GSE1: variants seen among roughly 807,000 people sequenced by gnomAD.
The protein encoded by GSE1 is Gse1 coiled-coil protein.
A neutral mutation model predicts 112.6 loss-of-function variants in GSE1; 32 were observed. That is an observed-to-expected ratio of 0.28 (90% CI 0.21 to 0.38). The LOEUF is 0.38. GSE1 is among the 10% of genes least tolerant of loss of function. The pLI, the probability that GSE1 is intolerant of heterozygous loss-of-function variation, is 1.00. For missense variants in GSE1, 2,348 were observed against 1,699.2 expected (o/e 1.38, Z -6.71); for synonymous variants, 1,115 against 735.6 (o/e 1.52, Z -8.35).
At chr16:85,656,258 C>G in intron 6 of GSE1, 85 bp from the exon 7 acceptor site, 1 of 1,532,732 alleles carries the variant, frequency 6.5e-7, no homozygotes, top group Non-Finnish European at 8.8e-7. Context: ...TGGCTCGTTC[C>G]TGGTTATGCT....
intron 2 of GSE1, among the ~76,000 whole-genome samples, chr16:85,470,055 C>T (rs941608556): frequency 6.6e-6 from 1 of 152,276 alleles, no homozygotes. Flanking sequence ...AGAGGCCCCT[C>T]CCTGGGATGT....
intron 2 of GSE1, among the ~76,000 whole-genome samples, chr16:85,505,934 C>T (rs946768559): frequency 5.9e-5 from 9 of 151,788 alleles, no homozygotes; most frequent in Non-Finnish European, 1.2e-4. Flanking sequence ...GACTGCACCA[C>T]TGCATTCCAG....
chr16:85,641,248 C>T (rs562120913), intron 2 of GSE1, among the ~76,000 whole-genome samples: 1 of 152,266 alleles, frequency 6.6e-6, no homozygotes, highest in Non-Finnish European at 1.5e-5. Flanking sequence ...CGCGGACTCT[C>T]CCGGCTCCAT....
chr16:85,398,509 C>CTCACAACAG (rs1275953580), intron 2 of GSE1, among the ~76,000 whole-genome samples: 4 of 152,086 alleles, frequency 2.6e-5, no homozygotes, highest in East Asian at 1.9e-4. Flanking sequence ...CCTGCAACCC[C>CTCACAACAG]CTGAGGCTGT....
chr16:85,334,784 A>G (rs2151526203), intron 1 of GSE1, among the ~76,000 whole-genome samples: 1 of 152,338 alleles, frequency 6.6e-6, no homozygotes, highest in African/African-American at 2.4e-5. Flanking sequence ...ACTGCCGGTT[A>G]TTCTGAGAAA....
intron 2 of GSE1, among the ~76,000 whole-genome samples, chr16:85,382,683 C>G (rs944607760): frequency 6.6e-6 from 1 of 152,134 alleles, no homozygotes; most frequent in Non-Finnish European, 1.5e-5. Flanking sequence ...AGCAGAAGCC[C>G]CAGGCCATCA....
At chr16:85,637,620 T>C (rs1005211112) in intron 2 of GSE1, among the ~76,000 whole-genome samples, 1 of 152,258 alleles carries the variant, frequency 6.6e-6, no homozygotes, top group African/African-American at 2.4e-5. Context: ...CCTTCGCCTC[T>C]GGTGGATGAG....
rs572445574 is a variant in GSE1 at position 85,187,995 on chromosome 16, A to G, written c.2283+16188A>G. Among the ~76,000 whole-genome samples, 3 of 152,306 alleles carry G rather than the reference A, an allele frequency of 2.0e-5. No homozygotes were observed. In the East Asian group the frequency reaches 5.8e-4, roughly 29 times the overall value. On this transcript the variant is annotated intron_variant, in intron 1 of 2. Transcript: ENST00000637419. ...GCCTTGTAGCAGGACCCCTGCTCCC[A>G]GACTCCTGGCACGTCTCCCATGGGC...
At chr16:85,580,793 G>A (rs1483319242) in intron 1 of GSE1, among the ~76,000 whole-genome samples, 3 of 152,272 alleles carry the variant, frequency 2.0e-5, no homozygotes, top group Non-Finnish European at 4.4e-5. Context: ...ACCCCAGAGA[G>A]TGCGCTGTCT....
At chr16:85,588,047 C>T (rs538983411) in intron 1 of GSE1, among the ~76,000 whole-genome samples, 1 of 152,332 alleles carries the variant, frequency 6.6e-6, no homozygotes, top group Admixed American at 6.5e-5. Context: ...GTCTCTTCGT[C>T]CTCCTCTTTC....
At chr16:85,531,399 C>G (rs990553580) in intron 2 of GSE1, among the ~76,000 whole-genome samples, 3 of 151,950 alleles carry the variant, frequency 2.0e-5, no homozygotes, top group East Asian at 3.9e-4. Flanking sequence ...CTTGGGTAGA[C>G]GGATGAGCAC....
intron 2 of GSE1, among the ~76,000 whole-genome samples, chr16:85,367,151 C>T (rs2047201896): frequency 6.6e-6 from 1 of 152,244 alleles, no homozygotes; most frequent in Non-Finnish European, 1.5e-5. Context: ...CCGTTTGGCA[C>T]CACTGTGGGT....
chr16:85,363,696 A>G (rs903608273), intron 2 of GSE1, among the ~76,000 whole-genome samples: 2 of 151,704 alleles, frequency 1.3e-5, no homozygotes, highest in Non-Finnish European at 2.9e-5. Context: ...GCCTCAGTTT[A>G]CCCGTGGGTA....
chr16:85,294,723 A>C, intron 1 of GSE1, among the ~76,000 whole-genome samples: 1 of 128,846 alleles, frequency 7.8e-6, no homozygotes, highest in South Asian at 2.7e-4. Flanking sequence ...TCTCTCCATG[A>C]TCTCTCCAGC....
intron 1 of GSE1, among the ~76,000 whole-genome samples, chr16:85,240,940 G>A (rs542750831): frequency 6.6e-6 from 1 of 152,272 alleles, no homozygotes; most frequent in Admixed American, 6.5e-5. Context: ...CATCCTGCTA[G>A]CTCCCTCCTA....
Position 85,201,304 on chromosome 16 carries a change from C to T in GSE1, c.2283+29497C>T, listed in dbSNP as rs577054011. On this transcript the variant is annotated intron_variant, in intron 1 of 2. Transcript: ENST00000637419. ...CAGGCTGAGTTTGAACTCCTAGGCT[C>T]GAGTGATCCTTGCAACTCATGTTTC... 1.3e-4 allele frequency among the ~76,000 whole-genome samples: 19 copies of T among 149,388 alleles called. No individual in the cohort carries two copies. In the South Asian group the frequency reaches 1.7e-3, roughly 13 times the overall value.
At chr16:85,642,169 G>T (rs1441903618) in intron 2 of GSE1, among the ~76,000 whole-genome samples, 1 of 152,246 alleles carries the variant, frequency 6.6e-6, no homozygotes, top group South Asian at 2.1e-4. Flanking sequence ...GCTGGGAGCT[G>T]AGCATGATGC....
chr16:85,190,667 C>A (rs1215003254), intron 1 of GSE1, among the ~76,000 whole-genome samples: 2 of 152,278 alleles, frequency 1.3e-5, no homozygotes, highest in African/African-American at 4.8e-5. Flanking sequence ...CTGTCAGAGG[C>A]TGAGGCAGAA....
intron 1 of GSE1, among the ~76,000 whole-genome samples, chr16:85,590,508 AAT>A (rs964351066): frequency 1.4e-5 from 2 of 138,898 alleles, no homozygotes; most frequent in African/African-American, 5.5e-5. Context: ...CCTGTGTGTG[AAT>A]GAGTGTGTGT....
Sources: gnomAD v4.1 joint callset for allele counts (sites outside exome capture counted in the v4.1 genomes callset) on GRCh38, gnomAD v4.1.1 for gene constraint, MANE v1.5 for transcripts, NCBI Gene and HGNC (gene_info 2026-07-23, HGNC 2026-07-21) for gene names.